The following DNM3 variants were observed in gnomAD, a reference collection of about 807,000 sequenced individuals.
The protein encoded by DNM3 is dynamin 3, also known as dynamin-3.
A neutral mutation model predicts 101.6 loss-of-function variants in DNM3; 47 were observed. The ratio of observed to expected loss-of-function variants is 0.46; its 90% CI spans 0.37 to 0.59. The LOEUF is 0.59. DNM3 is among the 20% of genes least tolerant of loss of function. The pLI is 0.00. For missense variants in DNM3, 849 were observed against 1,085.7 expected (o/e 0.78, Z 3.06); for synonymous variants, 385 against 387.9 (o/e 0.99, Z 0.09).
chr1:171,988,692 AG>A (rs1280361440), intron 3 of DNM3, among the ~76,000 whole-genome samples: 1 of 152,206 alleles, frequency 6.6e-6, no homozygotes, highest in African/African-American at 2.4e-5. Flanking sequence ...CAGCTTTCTG[AG>A]CAAACTGTTA....
At chr1:172,288,659 G>A (rs2063788404) in intron 15 of DNM3, among the ~76,000 whole-genome samples, 1 of 152,186 alleles carries the variant, frequency 6.6e-6, no homozygotes, top group African/African-American at 2.4e-5. Context: ...AGAACTGACT[G>A]ATTGGAAATG....
chr1:172,367,573 G>A (rs1227292481), intron 17 of DNM3, among the ~76,000 whole-genome samples: 1 of 151,782 alleles, frequency 6.6e-6, no homozygotes, highest in Non-Finnish European at 1.5e-5. Flanking sequence ...AAGATGACAA[G>A]ATTAAGTCCT....
chr1:172,105,860 TC>T (rs2054975528), intron 13 of DNM3, among the ~76,000 whole-genome samples: 1 of 152,186 alleles, frequency 6.6e-6, no homozygotes, highest in African/African-American at 2.4e-5. Flanking sequence ...TTCAATTATA[TC>T]TTCTAATTAT....
chr1:172,181,558 T>A (rs761279444), intron 14 of DNM3, among the ~76,000 whole-genome samples: 1 of 152,110 alleles, frequency 6.6e-6, no homozygotes, highest in Non-Finnish European at 1.5e-5. Context: ...CTTTCCTTTT[T>A]AAATATGTGA....
intron 1 of DNM3, among the ~76,000 whole-genome samples, chr1:171,896,936 T>C (rs925219914): frequency 2.0e-5 from 3 of 152,170 alleles, no homozygotes; most frequent in Non-Finnish European, 4.4e-5. Flanking sequence ...ATTTGCTCCC[T>C]TAATTGTTCT....
intron 17 of DNM3, among the ~76,000 whole-genome samples, chr1:172,338,182 TG>T (rs1169021093): frequency 2.6e-5 from 4 of 152,104 alleles, no homozygotes; most frequent in Non-Finnish European, 5.9e-5. Flanking sequence ...CCCAAAGTGC[TG>T]GGATTACAGG....
intron 18 of DNM3, among the ~76,000 whole-genome samples, chr1:172,381,865 AT>A (rs1423456074): frequency 6.6e-6 from 1 of 152,194 alleles, no homozygotes; most frequent in East Asian, 1.9e-4. Flanking sequence ...GAATCAATAA[AT>A]GCCTAAAACA....
chr1:172,210,907 A>G (rs1304719872), intron 14 of DNM3, among the ~76,000 whole-genome samples: 1 of 152,104 alleles, frequency 6.6e-6, no homozygotes, highest in Non-Finnish European at 1.5e-5. Flanking sequence ...AGAGATAAAC[A>G]TGATAGAGAA....
chr1:172,069,552 T>G lies in DNM3; in HGVS notation c.1422+647T>G, dbSNP rs145253123. Among the ~76,000 whole-genome samples, 915 of 152,286 alleles carry G rather than the reference T, an allele frequency of 6.0e-3. 10 individuals carry two copies. The highest frequency in any genetic ancestry group is 0.021 in the African/African-American group (867 of 41,562). ...AGTGAGGATAATTCATTTAAAAAAG[T>G]AAAGGACTACGTGGAAAGAATAAAA... On this transcript the variant is annotated intron_variant, in intron 11 of 20. Coordinates refer to ENST00000627582, the MANE Select transcript of DNM3 (RefSeq NM_015569.5).
intron 14 of DNM3, among the ~76,000 whole-genome samples, chr1:172,226,545 C>G (rs1043572137): frequency 5.3e-5 from 8 of 152,162 alleles, no homozygotes; most frequent in African/African-American, 1.9e-4. Flanking sequence ...GGAGCCTGCT[C>G]CCTGCCACCA....
At position 172,408,985 on chromosome 1, in the gene DNM3, G is replaced by T. The variant is rs1025409431; in HGVS notation, c.*1144G>T. 3.0e-6 allele frequency: 3 copies of T among 985,170 alleles called. No individual in the cohort carries two copies. In the African/African-American group the frequency reaches 5.2e-5, roughly 17 times the overall value. The allele number at this position is 985,170 out of a possible 1,614,324, so 61.0% of individuals were successfully genotyped here. A position where few individuals can be genotyped will look rare whatever the true frequency, so the allele number is the denominator to read the frequency against. On this transcript the variant is annotated 3_prime_UTR_variant, in exon 21 of 21. Coordinates refer to ENST00000627582, the MANE Select transcript of DNM3 (RefSeq NM_015569.5). ...TGCAGTATTTCAAAGTCCCTATCCA[G>T]GTCACTCCAGAAAAGGGTATTGAAA...
At chr1:172,278,883 T>C (rs2063385386) in intron 15 of DNM3, among the ~76,000 whole-genome samples, 3 of 152,268 alleles carry the variant, frequency 2.0e-5, no homozygotes, top group Admixed American at 6.5e-5. Context: ...GTTTCTATTA[T>C]CACTGCGACT....
chr1:172,352,501 A>T (rs17369011), intron 17 of DNM3, among the ~76,000 whole-genome samples: 22,995 of 152,182 alleles, frequency 0.15, 2,134 homozygotes, highest in Non-Finnish European at 0.21. Flanking sequence ...AGCCTCAGGG[A>T]AAATAAAAAC....
At chr1:172,089,061 G>A (rs879757905) in intron 12 of DNM3, among the ~76,000 whole-genome samples, 7 of 152,228 alleles carry the variant, frequency 4.6e-5, no homozygotes, top group Non-Finnish European at 8.8e-5. Context: ...TATGACAAAC[G>A]ACAAATGTGC....
rs1215310837 is a variant in DNM3 at position 172,146,478 on chromosome 1, T to C, written c.1659+15190T>C. On this transcript the variant is annotated intron_variant, in intron 14 of 20. Transcript: ENST00000627582. ...GGAGTCAGAGGAATGACTTTATATC[T>C]CTGTACTTTTGCTTCCATATTTGTG... is the stretch of plus-strand genomic sequence containing the variant. Among the ~76,000 whole-genome samples the C allele has an allele frequency of 5.9e-5, 9 of 152,168 alleles. No homozygotes were observed. The South Asian group carries it at 1.9e-3, about 32-fold the overall frequency.
chr1:171,907,493 GAAA>G (rs760340537), intron 1 of DNM3, among the ~76,000 whole-genome samples: 2 of 130,840 alleles, frequency 1.5e-5, no homozygotes, highest in Non-Finnish European at 1.7e-5. Flanking sequence ...CTCCGTCACA[GAAA>G]AAAAAAAAAA....
intron 20 of DNM3, among the ~76,000 whole-genome samples, chr1:172,391,923 A>G (rs1203811593): frequency 6.6e-6 from 1 of 152,232 alleles, no homozygotes; most frequent in Non-Finnish European, 1.5e-5. Context: ...TGGATAATTC[A>G]CGACTTCATT....
At chr1:172,316,856 C>A (rs747391817) in intron 16 of DNM3, among the ~76,000 whole-genome samples, 2 of 152,096 alleles carry the variant, frequency 1.3e-5, no homozygotes, top group African/African-American at 4.8e-5. Context: ...CAAGGATACC[C>A]AGGAATTGAA....
chr1:172,375,843 T>TAA (rs10691234), intron 17 of DNM3, among the ~76,000 whole-genome samples: 20,036 of 141,118 alleles, frequency 0.14, 1,644 homozygotes, highest in Non-Finnish European at 0.19. Context: ...ACCCCATCTC[T>TAA]AAAAAAAAAA....
Sources: gnomAD v4.1 joint callset for allele counts (sites outside exome capture counted in the v4.1 genomes callset) on GRCh38, gnomAD v4.1.1 for gene constraint, MANE v1.5 for transcripts, NCBI Gene and HGNC (gene_info 2026-07-23, HGNC 2026-07-21) for gene names.